PTPRN2: variants seen among roughly 807,000 people sequenced by gnomAD.
PTPRN2 encodes the protein receptor-type tyrosine-protein phosphatase N2.
PTPRN2 carries 74 observed loss-of-function variants against 118.8 expected under a neutral mutation model. That is an observed-to-expected ratio of 0.62 (90% CI 0.52 to 0.76). The LOEUF is 0.76. PTPRN2 is among the 30% of genes least tolerant of loss of function. The probability of loss-of-function intolerance (pLI) is 0.00; values close to 1 mark genes in which losing one functional copy is unlikely to be tolerated. For missense variants in PTPRN2, 1,481 were observed against 1,394.4 expected (o/e 1.06, Z -0.99); for synonymous variants, 641 against 608.0 (o/e 1.05, Z -0.80).
Position 157,831,526 on chromosome 7 carries a change from C to G in PTPRN2, c.1788+67147G>C, listed in dbSNP as rs1184927731. Among the ~76,000 whole-genome samples the G allele has an allele frequency of 6.6e-6, 1 of 152,160 alleles. No homozygotes were observed. Among genetic ancestry groups the G allele is most frequent in the Non-Finnish European group, 1.5e-5 (1 of 68,028 alleles). On this transcript the variant is annotated intron_variant, in intron 12 of 22. Transcript: ENST00000389418. The surrounding 1 kb of genome is among the most constrained non-coding windows in gnomAD (Gnocchi z 4.8). ...ATCCCTGTCCACGGCCCCTCTCACCCTGCAGTACTGAGCAGGGTGAGGCAG... is the reference window on the plus strand; with the variant it reads ...ATCCCTGTCCACGGCCCCTCTCACCGTGCAGTACTGAGCAGGGTGAGGCAG...
intron 10 of PTPRN2, among the ~76,000 whole-genome samples, chr7:158,103,405 A>G (rs1815405917): frequency 6.6e-6 from 1 of 152,230 alleles, no homozygotes; most frequent in Non-Finnish European, 1.5e-5. Context: ...AAAGAACGCG[A>G]AGAGCCCTGC....
At chr7:157,828,214 G>A (rs968549888) in intron 12 of PTPRN2, among the ~76,000 whole-genome samples, 5 of 152,294 alleles carry the variant, frequency 3.3e-5, no homozygotes, top group East Asian at 3.9e-4. Context: ...CCCCTTCCAC[G>A]CGTGTGGTCA....
chr7:158,359,185 C>A (rs1267041135), intron 2 of PTPRN2, among the ~76,000 whole-genome samples: 1 of 152,348 alleles, frequency 6.6e-6, no homozygotes, highest in Non-Finnish European at 1.5e-5. Context: ...GATTCACGCA[C>A]AGGTGGGAAG....
chr7:157,640,156 C>T (rs751205421), intron 14 of PTPRN2, among the ~76,000 whole-genome samples: 5 of 152,142 alleles, frequency 3.3e-5, no homozygotes, highest in East Asian at 1.9e-4. Flanking sequence ...TAGAAACCAT[C>T]GGATAATGCA....
At chr7:157,783,063 T>A (rs565229845) in intron 12 of PTPRN2, among the ~76,000 whole-genome samples, 1 of 152,272 alleles carries the variant, frequency 6.6e-6, no homozygotes, top group Non-Finnish European at 1.5e-5. Flanking sequence ...TCTGACGGTT[T>A]TATCATGGGC....
At chr7:157,545,053 G>A (rs1263620770) in intron 22 of PTPRN2, among the ~76,000 whole-genome samples, 1 of 149,744 alleles carries the variant, frequency 6.7e-6, no homozygotes, top group Non-Finnish European at 1.5e-5. Context: ...GAGGTGTGTG[G>A]GTGTGTGCAG....
intron 4 of PTPRN2, among the ~76,000 whole-genome samples, chr7:158,199,953 G>A (rs753145240): frequency 3.6e-4 from 55 of 152,064 alleles, no homozygotes; most frequent in Admixed American, 9.2e-4. Flanking sequence ...CTATAAAATC[G>A]CTTGAAAATC....
intron 4 of PTPRN2, among the ~76,000 whole-genome samples, chr7:158,194,788 A>G (rs1458187793): frequency 1.3e-5 from 2 of 152,222 alleles, no homozygotes; most frequent in Non-Finnish European, 2.9e-5. Flanking sequence ...AGCCCAAATT[A>G]CAGATAGTGT....
chr7:158,006,989 G>C (rs964264889), intron 11 of PTPRN2, among the ~76,000 whole-genome samples: 4 of 152,242 alleles, frequency 2.6e-5, no homozygotes, highest in African/African-American at 9.6e-5. Flanking sequence ...AATGTACTCC[G>C]TCACAGTTCT....
intron 9 of PTPRN2, among the ~76,000 whole-genome samples, chr7:158,131,901 C>T (rs549930695): frequency 1.3e-5 from 2 of 151,740 alleles, no homozygotes; most frequent in East Asian, 3.9e-4. Flanking sequence ...CACACATGGG[C>T]ATATACACAA....
chr7:158,292,023 C>T (rs1401904404), intron 3 of PTPRN2, among the ~76,000 whole-genome samples: 1 of 152,166 alleles, frequency 6.6e-6, no homozygotes, highest in Non-Finnish European at 1.5e-5. Flanking sequence ...AGAATAAAAG[C>T]CTGATTGTCT....
intron 2 of PTPRN2, among the ~76,000 whole-genome samples, chr7:158,477,049 G>A (rs551150722): frequency 1.4e-4 from 22 of 152,296 alleles, no homozygotes; most frequent in Admixed American, 5.9e-4. Context: ...TCAGTCATTC[G>A]TTTCCATCTC....
At chr7:157,734,120 A>G in intron 12 of PTPRN2, among the ~76,000 whole-genome samples, 1 of 105,114 alleles carries the variant, frequency 9.5e-6, no homozygotes, top group African/African-American at 3.9e-5. Flanking sequence ...TGCGCCCAGC[A>G]CAGTTACCCT....
intron 3 of PTPRN2, among the ~76,000 whole-genome samples, chr7:158,238,681 C>G (rs1014810479): frequency 6.6e-6 from 1 of 152,164 alleles, no homozygotes; most frequent in Non-Finnish European, 1.5e-5. Flanking sequence ...CAGCTCCACA[C>G]GGACAGAGGC....
Position 158,559,069 on chromosome 7 carries a change from G to A in PTPRN2, c.112+28489C>T, listed in dbSNP as rs113534587. On this transcript the variant is annotated intron_variant, in intron 1 of 22. Transcript: ENST00000389418. ...GAGGCCCTGCCTGGCCCCAGATCCC[G>A]ACAGAGCAGAGGCCACAAAGTGATG... Among the ~76,000 whole-genome samples, 1,381 of 152,316 alleles carry A rather than the reference G, an allele frequency of 9.1e-3. 17 individuals are homozygous for A. The highest frequency in any genetic ancestry group is 0.031 in the African/African-American group (1,306 of 41,566).
intron 2 of PTPRN2, among the ~76,000 whole-genome samples, chr7:158,324,261 A>G (rs1173338612): frequency 6.6e-6 from 1 of 152,164 alleles, no homozygotes; most frequent in Non-Finnish European, 1.5e-5. Flanking sequence ...TCACAGCTAC[A>G]GCCTCTTCAC....
intron 2 of PTPRN2, among the ~76,000 whole-genome samples, chr7:158,400,631 G>T (rs1310016492): frequency 6.6e-6 from 1 of 152,102 alleles, no homozygotes; most frequent in Non-Finnish European, 1.5e-5. Flanking sequence ...AAAGTGAGGG[G>T]CGCTGGGAGT....
In PTPRN2 at chr7:157,944,383, A is replaced by C. The variant is rs1800336969; in HGVS notation, c.1724-45646T>G. Reference sequence around the variant, plus strand: ...CTGACTGAACCTTGGAATCAATACAATGCAGGGTAGAGCAATTCATTTGAA... The same window carrying C: ...CTGACTGAACCTTGGAATCAATACACTGCAGGGTAGAGCAATTCATTTGAA... On this transcript the variant is annotated intron_variant, in intron 11 of 22. Transcript: ENST00000389418. This position sits in a 1 kb window ranked among gnomAD's most constrained non-coding sequence, Gnocchi z 4.3. 6.6e-6 allele frequency among the ~76,000 whole-genome samples: 1 copy of C among 152,148 alleles called. No homozygotes were observed. Among genetic ancestry groups the C allele is most frequent in the African/African-American group, 2.4e-5 (1 of 41,444 alleles).
At chr7:157,826,712 C>T (rs1029919159) in intron 12 of PTPRN2, among the ~76,000 whole-genome samples, 26 of 152,222 alleles carry the variant, frequency 1.7e-4, no homozygotes, top group Admixed American at 4.6e-4. Context: ...CGGAGCCTGG[C>T]GGGGACTTGG....
Sources: gnomAD v4.1 joint callset for allele counts (sites outside exome capture counted in the v4.1 genomes callset) on GRCh38, gnomAD v4.1.1 for gene constraint, Gnocchi (gnomAD v3.1) non-coding constraint, MANE v1.5 for transcripts, NCBI Gene and HGNC (gene_info 2026-07-23, HGNC 2026-07-21) for gene names.